LNX1: variants seen among roughly 807,000 people sequenced by gnomAD.
LNX1 encodes the protein E3 ubiquitin-protein ligase LNX.
LNX1 carries 54 observed loss-of-function variants against 68.4 expected under a neutral mutation model. That is an observed-to-expected ratio of 0.79 (90% CI 0.63 to 0.99). The LOEUF (loss-of-function observed/expected upper bound fraction) is 0.99, where lower values mean the gene tolerates loss of function less well. Among genes scored for constraint, LNX1 ranks in the 50% least tolerant of loss-of-function variants. LNX1 has a pLI of 0.00. For missense variants in LNX1, 906 were observed against 926.4 expected, an observed-to-expected ratio of 0.98 and a Z score of 0.29; for synonymous variants, 336 against 350.0, an observed-to-expected ratio of 0.96 and a Z score of 0.45.
chr4:53,628,010 T>C (rs1734139363), intron 1 of LNX1, among the ~76,000 whole-genome samples: 1 of 152,202 alleles, frequency 6.6e-6, no homozygotes, highest in African/African-American at 2.4e-5. Context: ...ATCATGGATA[T>C]CGGTTTACAA....
chr4:53,573,257 G>A (rs1163189614), intron 2 of LNX1, among the ~76,000 whole-genome samples: 2 of 152,152 alleles, frequency 1.3e-5, no homozygotes, highest in African/African-American at 2.4e-5. Context: ...TGGGGAATTC[G>A]TGTTTAATGG....
intron 4 of LNX1, among the ~76,000 whole-genome samples, chr4:53,504,244 C>A (rs1459528188): frequency 6.6e-6 from 1 of 152,270 alleles, no homozygotes; most frequent in South Asian, 2.1e-4. Context: ...TGCTTCGTTA[C>A]AATCAGCATC....
intron 1 of LNX1, among the ~76,000 whole-genome samples, chr4:53,623,242 C>T (rs1432560565): frequency 2.7e-5 from 4 of 147,172 alleles, no homozygotes; most frequent in African/African-American, 7.6e-5. Flanking sequence ...CTCACTCTGT[C>T]GCCCAGGCTG....
chr4:53,482,398 C>A (rs1419344841), intron 6 of LNX1, among the ~76,000 whole-genome samples: 1 of 152,142 alleles, frequency 6.6e-6, no homozygotes, highest in Non-Finnish European at 1.5e-5. Flanking sequence ...TTAATATGTA[C>A]AACCTAATCA....
intron 1 of LNX1, among the ~76,000 whole-genome samples, chr4:53,639,165 AATC>A (rs1418474269): frequency 1.3e-5 from 2 of 152,170 alleles, no homozygotes; most frequent in Non-Finnish European, 2.9e-5. Flanking sequence ...AAAAGAACAA[AATC>A]ATGTCCTTTG....
chr4:53,459,628 T>A lies in LNX1; in HGVS notation c.*1279A>T. 1 of 820,010 alleles carries A rather than the reference T, an allele frequency of 1.2e-6. No individual in the cohort carries two copies. Among genetic ancestry groups the A allele is most frequent in the East Asian group, 2.7e-5 (1 of 37,564 alleles). The allele number at this position is 820,010 out of a possible 1,614,324, so 50.8% of individuals were successfully genotyped here. A position where few individuals can be genotyped will look rare whatever the true frequency, so the allele number is the denominator to read the frequency against. On this transcript the variant is annotated 3_prime_UTR_variant, in exon 11 of 11. Coordinates refer to ENST00000263925, the MANE Select transcript of LNX1 (RefSeq NM_001126328.3). ...TTTCATGTTAAGTTAAAAATCTTTGTCTTGTACTATTTCAAAAATAAAAAG... is the reference window on the plus strand; with the variant it reads ...TTTCATGTTAAGTTAAAAATCTTTGACTTGTACTATTTCAAAAATAAAAAG...
chr4:53,599,232 G>A (rs1295254175), intron 2 of LNX1, among the ~76,000 whole-genome samples: 1 of 152,134 alleles, frequency 6.6e-6, no homozygotes, highest in Non-Finnish European at 1.5e-5. Flanking sequence ...ATTGGCACAA[G>A]ACACAGGTCA....
chr4:53,498,329 G>T (rs184110505), intron 5 of LNX1, among the ~76,000 whole-genome samples: 1 of 152,210 alleles, frequency 6.6e-6, no homozygotes, highest in Non-Finnish European at 1.5e-5. Context: ...AGGAGGTGGA[G>T]AAAGGGAATG....
rs1577725985 is a variant in LNX1, at chr4:53,567,346, C to T, written c.380+6277G>A. 2.0e-5 allele frequency among the ~76,000 whole-genome samples: 3 copies of T among 148,724 alleles called. No individual in the cohort carries two copies. In the South Asian group the frequency reaches 6.5e-4, roughly 32 times the overall value. On this transcript the variant is annotated intron_variant, in intron 2 of 10. Transcript: ENST00000263925. Reference sequence around the variant, plus strand: ...AGAACTCAGGATTAAGAATCTCACTCAAAACCACTCAACTACATGGAAACT... The same window carrying T: ...AGAACTCAGGATTAAGAATCTCACTTAAAACCACTCAACTACATGGAAACT...
intron 2 of LNX1, among the ~76,000 whole-genome samples, chr4:53,514,080 C>T (rs1726559567): frequency 1.3e-5 from 2 of 152,212 alleles, no homozygotes; most frequent in South Asian, 2.1e-4. Flanking sequence ...CTCCTTCAGG[C>T]CTCTGATTAA....
intron 2 of LNX1, among the ~76,000 whole-genome samples, chr4:53,544,648 G>A (rs765042946): frequency 5.9e-5 from 9 of 152,204 alleles, no homozygotes; most frequent in Non-Finnish European, 1.3e-4. Context: ...AGTACCATGC[G>A]AGAATCTTTT....
intron 1 of LNX1, among the ~76,000 whole-genome samples, chr4:53,588,658 G>A (rs1398672402): frequency 6.6e-6 from 1 of 152,200 alleles, no homozygotes; most frequent in Admixed American, 6.5e-5. Flanking sequence ...GAGGGGGCCT[G>A]TGAAGTACAC....
intron 9 of LNX1, among the ~76,000 whole-genome samples, chr4:53,471,075 A>C (rs1723135595): frequency 1.2e-5 from 1 of 84,992 alleles, no homozygotes; most frequent in Admixed American, 1.2e-4. Flanking sequence ...GCATCGCACT[A>C]CCTGACTTCA....
intron 1 of LNX1, among the ~76,000 whole-genome samples, chr4:53,625,830 C>T (rs1346736651): frequency 2.9e-5 from 4 of 138,782 alleles, no homozygotes; most frequent in South Asian, 2.5e-4. Flanking sequence ...CCATATGACC[C>T]AGCAATTCCA....
rs1345489977 is a variant in LNX1 at position 53,459,572 on chromosome 4, T to G, written c.*1335A>C. ...TGTTCTGTTTGTTAGTATGAAAAGT[T>G]AACTTTTTTTCCAAAATAAAAGAGT... On this transcript the variant is annotated 3_prime_UTR_variant, in exon 11 of 11. Coordinates refer to ENST00000263925, the MANE Select transcript of LNX1 (RefSeq NM_001126328.3). 26 of 1,397,720 alleles carry G rather than the reference T, an allele frequency of 1.9e-5. No individual in the cohort carries two copies. The highest frequency in any genetic ancestry group is 2.5e-5 in the Non-Finnish European group (25 of 1,010,890). The allele number at this position is 1,397,720 out of a possible 1,614,324, so 86.6% of individuals were successfully genotyped here. A position where few individuals can be genotyped will look rare whatever the true frequency, so the allele number is the denominator to read the frequency against.
intron 1 of LNX1, among the ~76,000 whole-genome samples, chr4:53,634,321 G>T (rs1203763709): frequency 2.0e-5 from 3 of 148,998 alleles, no homozygotes; most frequent in African/African-American, 5.0e-5. Context: ...TCAGCTCATT[G>T]CACCCTCCAC....
At chr4:53,597,076 T>G (rs1357100039) in intron 2 of LNX1, among the ~76,000 whole-genome samples, 3 of 152,172 alleles carry the variant, frequency 2.0e-5, no homozygotes, top group Non-Finnish European at 4.4e-5. Context: ...CCTACTTCCT[T>G]GCCAGCATCT....
intron 2 of LNX1, among the ~76,000 whole-genome samples, chr4:53,526,342 G>A (rs1288975913): frequency 2.6e-5 from 4 of 152,106 alleles, no homozygotes; most frequent in African/African-American, 9.7e-5. Context: ...CTTCTGAATC[G>A]TTTTCATAAT....
At chr4:53,569,226 C>T (rs888010120) in intron 2 of LNX1, among the ~76,000 whole-genome samples, 6 of 151,968 alleles carry the variant, frequency 3.9e-5, no homozygotes, top group African/African-American at 1.5e-4. Flanking sequence ...GCCAAAGGAA[C>T]AAAGCTGGAG....
Sources: allele counts gnomAD v4.1 joint callset (sites outside exome capture counted in the v4.1 genomes callset), GRCh38; gene constraint gnomAD v4.1.1; transcripts MANE v1.5; gene names NCBI Gene and HGNC (gene_info 2026-07-23, HGNC 2026-07-21).